The following HPS4 variants were observed in gnomAD, a reference collection of about 807,000 sequenced individuals.
The protein encoded by HPS4 is BLOC-3 complex member HPS4.
HPS4 carries 44 observed loss-of-function variants against 70.3 expected under a neutral mutation model. That is an observed-to-expected ratio of 0.63 (90% confidence interval 0.49 to 0.80). HPS4 has a LOEUF of 0.80. HPS4 is among the 30% of genes least tolerant of loss of function. The pLI is 0.00. For missense variants in HPS4, 873 were observed against 884.4 expected, an observed-to-expected ratio of 0.99 and a Z score of 0.16; for synonymous variants, 377 against 355.9, an observed-to-expected ratio of 1.06 and a Z score of -0.67.
At position 26,477,106 on chromosome 22, in the gene HPS4, C is replaced by T. The variant is rs759382209; in HGVS notation, c.163G>A (p.Gly55Arg). The T allele has an allele frequency of 3.1e-6, 5 of 1,614,038 alleles. No individual in the cohort carries two copies. In the South Asian group the frequency reaches 5.5e-5, roughly 18 times the overall value. Reference protein sequence around the residue: ...TLLDQQELLCGQIAGVVRCVS... With the variant: ...TLLDQQELLCRQIAGVVRCVS... The stretch of plus-strand genomic sequence containing the variant: ...CAGCGGACAACTCCAGCAATCTGTC[C>T]ACAAAGCAACTCCTGTTGGTCTAGC... Residue 55 changes from glycine (G) to arginine (R), a missense_variant, in exon 4 of 14, where the codon GGA becomes AGA. Transcript: ENST00000398145.
chr22:26,479,266 T>C lies in HPS4; in HGVS notation c.131A>G (p.Gln44Arg). ...RAGICYFYPS[Q>R]TLLDQQELLC... ...ACAATAAAATGCTGTGTGGCTTACC[T>C]GGGAAGGATAAAAGTAACAAATGCC... Residue 44 changes from glutamine (Q) to arginine (R), a missense_variant and splice_region_variant, in exon 3 of 14, where the codon CAG (glutamine) becomes CGG (arginine). Gln to Arg is a conservative substitution (Grantham distance 43). Transcript: ENST00000398145. 6.2e-7 allele frequency: 1 copy of C among 1,614,192 alleles called. No homozygotes were observed.
Position 26,452,004 on chromosome 22 carries a change from GCACACACACACACACA to G in HPS4, c.*1213_*1228del, listed in dbSNP as rs134978. 4 of 106,154 alleles carry G rather than the reference GCACACACACACACACA, an allele frequency of 3.8e-5. No individual in the cohort carries two copies. Among genetic ancestry groups the G allele is most frequent in the African/African-American group, 1.4e-4 (3 of 21,970 alleles). 6.6% of individuals were successfully genotyped at this position (106,154 alleles called of 1,614,324 possible). A position where few individuals can be genotyped will look rare whatever the true frequency, so the allele number is the denominator to read the frequency against. On this transcript the variant is annotated 3_prime_UTR_variant, in exon 14 of 14. Coordinates refer to ENST00000398145, the MANE Select transcript of HPS4 (RefSeq NM_022081.6). Reference sequence around the variant, plus strand: ...CCACGTTACGCGCGCGCGCGCGCGCGCACACACACACACACACACACACACACACACACACACACTG... The same window carrying G: ...CCACGTTACGCGCGCGCGCGCGCGCGCACACACACACACACACACACACTG...
chr22:26,443,225 A>C, downstream of HPS4: 1 of 1,609,186 alleles, frequency 6.2e-7, no homozygotes, highest in East Asian at 2.2e-5. Context: ...CCCATGCTGG[A>C]GTCGGCGAGA....
At chr22:26,462,631 T>C (rs1312076195) in intron 11 of HPS4, among the ~76,000 whole-genome samples, 1 of 151,892 alleles carries the variant, frequency 6.6e-6, no homozygotes, top group African/African-American at 2.4e-5. Context: ...AAAAGAGAGG[T>C]ATTATATCCA....
At chr22:26,474,691 CAAAG>C (rs1055739192) in intron 4 of HPS4, among the ~76,000 whole-genome samples, 21 of 151,752 alleles carry the variant, frequency 1.4e-4, no homozygotes, top group African/African-American at 4.8e-4. Context: ...ATGTATCTGA[CAAAG>C]AACTGGTATC....
intron 11 of HPS4, 49 bp downstream of exon 11, chr22:26,463,868 A>C (rs1457671572): frequency 6.3e-7 from 1 of 1,580,612 alleles, no homozygotes; most frequent in Admixed American, 1.7e-5. Flanking sequence ...GAAGCACAGG[A>C]GATCGGCAGA....
chr22:26,472,880 T>A lies in HPS4; in HGVS notation c.336A>T (p.Leu112=). The change falls in exon 5 of 14, where the codon CTA becomes CTT. Residue 112 remains leucine (L), a synonymous_variant. Transcript: ENST00000398145. ...DVSCKRFLDQ[L]VGFFNFYNGP... ...CATTGTAAAAATTAAAGAATCCAAC[T>A]AGCTGATCCAGAAACCGCTTGCAGC... The A allele has an allele frequency of 6.2e-7, 1 of 1,614,160 alleles. No homozygotes were observed. Among genetic ancestry groups the A allele is most frequent in the Non-Finnish European group, 8.5e-7 (1 of 1,180,030 alleles).
chr22:26,470,700 G>A lies in HPS4; in HGVS notation c.596+19C>T, dbSNP rs1357418760. 1 of 1,610,854 alleles carries A rather than the reference G, an allele frequency of 6.2e-7. No individual in the cohort carries two copies. Among genetic ancestry groups the A allele is most frequent in the South Asian group, 1.1e-5 (1 of 90,980 alleles). On this transcript the variant is annotated intron_variant, in intron 7 of 13. Transcript: ENST00000398145. ...AGCAAGGGAATGGGGCTGGAAGAAA[G>A]GGGTCTGGAGTTACTCACAGTCCTT...
chr22:26,455,838 C>A (rs561906291), intron 13 of HPS4, among the ~76,000 whole-genome samples: 2 of 152,250 alleles, frequency 1.3e-5, no homozygotes, highest in East Asian at 3.9e-4. Context: ...ACACTAAACC[C>A]CTCTCAGCTC....
intron 2 of HPS4, among the ~76,000 whole-genome samples, chr22:26,480,886 C>T (rs1025057555): frequency 3.9e-5 from 6 of 152,170 alleles, no homozygotes; most frequent in African/African-American, 1.4e-4. Flanking sequence ...CCACTGCACT[C>T]TGGCCTGGAG....
At chr22:26,470,186 C>G (rs1368215843) in intron 7 of HPS4, among the ~76,000 whole-genome samples, 1 of 152,240 alleles carries the variant, frequency 6.6e-6, no homozygotes, top group East Asian at 1.9e-4. Flanking sequence ...CTTGGGCACT[C>G]AGATTCACCA....
At position 26,452,012 on chromosome 22, in the gene HPS4, A is replaced by G. The variant is rs868763815; in HGVS notation, c.*1221T>C. On this transcript the variant is annotated 3_prime_UTR_variant, in exon 14 of 14. Transcript: ENST00000398145. The stretch of plus-strand genomic sequence containing the variant: ...CGCGCGCGCGCGCGCGCGCACACAC[A>G]CACACACACACACACACACACACAC... 872 of 209,984 alleles carry G rather than the reference A, an allele frequency of 4.2e-3. 9 individuals carry two copies. The highest frequency in any genetic ancestry group is 0.028 in the African/African-American group (766 of 27,834). The allele number at this position is 209,984 out of a possible 1,614,324, so 13.0% of individuals were successfully genotyped here. A position where few individuals can be genotyped will look rare whatever the true frequency, so the allele number is the denominator to read the frequency against.
At chr22:26,465,384 GT>G in intron 10 of HPS4, 70 bp downstream of exon 10, 2 of 1,113,350 alleles carry the variant, frequency 1.8e-6, no homozygotes, top group South Asian at 2.5e-5. Context: ...TCAGAGGTTT[GT>G]TTTTTAACCA....
At chr22:26,472,097 A>G (rs1403823419) in intron 6 of HPS4, among the ~76,000 whole-genome samples, 2 of 152,222 alleles carry the variant, frequency 1.3e-5, no homozygotes, top group Non-Finnish European at 2.9e-5. Flanking sequence ...CTTGATCATC[A>G]AAACAGTTCA....
rs1210470771 is a variant in HPS4 at position 26,460,432 on chromosome 22, AGTCAAACCACAGCCTC to A, written c.1714-1871_1714-1856del. ...GCACACATAAGCATTCACCTGATGA[AGTCAAACCACAGCCTC>A]ACTGAAAGTTTTTGGACCTCAAGAA... On this transcript the variant is annotated intron_variant, in intron 11 of 13. Transcript: ENST00000398145. 2.0e-5 allele frequency among the ~76,000 whole-genome samples: 3 copies of A among 152,356 alleles called. No individual in the cohort carries two copies. In the East Asian group the frequency reaches 5.8e-4, roughly 29 times the overall value.
Position 26,464,846 on chromosome 22 carries a change from TA to T in HPS4, c.804-21del. 6.3e-7 allele frequency: 1 copy of T among 1,583,242 alleles called. No individual in the cohort carries two copies. On this transcript the variant is annotated intron_variant, in intron 10 of 13. Coordinates refer to ENST00000398145, the MANE Select transcript of HPS4 (RefSeq NM_022081.6). ...AGAGACCTGGCAAACAAGAGAGATG[TA>T]AGGAAGGGGCACGTTGACAGACTGC...
rs760867986 is a variant in HPS4 at position 26,468,578 on chromosome 22, C to G, written c.642G>C (p.Leu214=). 6.2e-7 allele frequency: 1 copy of G among 1,614,054 alleles called. No individual in the cohort carries two copies. Among genetic ancestry groups the G allele is most frequent in the Non-Finnish European group, 8.5e-7 (1 of 1,179,972 alleles). Residue 214 remains leucine, a synonymous_variant, in exon 8 of 14, where the codon CTG becomes CTC. Transcript: ENST00000398145. ...GCTCCTGAGGTGCTGTTCGGTGAAG[C>G]AGGACCTTGGCGGTGAGGGAGGGCG... The part of the protein sequence containing the change: ...QLPPSLTAKV[L]LHRTAPQEQR...
chr22:26,480,203 T>C (rs79351721), intron 2 of HPS4, among the ~76,000 whole-genome samples: 1,923 of 152,248 alleles, frequency 0.013, 36 homozygotes, highest in African/African-American at 0.042. Flanking sequence ...GGGTCTCACT[T>C]TGTAGCCCTG....
chr22:26,453,204 C>G lies in HPS4; in HGVS notation c.*29G>C, dbSNP rs887255774. On this transcript the variant is annotated 3_prime_UTR_variant, in exon 14 of 14. Coordinates refer to ENST00000398145, the MANE Select transcript of HPS4 (RefSeq NM_022081.6). ...AGGCAGAGCTTCCTTTGCTGGTTTT[C>G]TCCTTCCCAGTCACCTCCTGGGTGC... 1 of 1,610,808 alleles carries G rather than the reference C, an allele frequency of 6.2e-7. No homozygotes were observed. Among genetic ancestry groups the G allele is most frequent in the Non-Finnish European group, 8.5e-7 (1 of 1,177,220 alleles).
Sources: gnomAD v4.1 joint callset for allele counts (sites outside exome capture counted in the v4.1 genomes callset) on GRCh38, gnomAD v4.1.1 for gene constraint, MANE v1.5 for transcripts, NCBI Gene and HGNC (gene_info 2026-07-23, HGNC 2026-07-21) for gene names.